The following XRCC4 variants were observed in gnomAD, a reference collection of about 807,000 sequenced individuals.
XRCC4 encodes the protein X-ray repair cross complementing 4.
Under a neutral mutation model 39.1 loss-of-function variants are expected in XRCC4, and 28 were observed. That is an observed-to-expected ratio of 0.72 (90% CI 0.53 to 0.98). The LOEUF is 0.98. XRCC4 is among the 50% of genes least tolerant of loss of function. The pLI is 0.00. For missense variants in XRCC4, 350 were observed against 376.4 expected (o/e 0.93, Z 0.58); for synonymous variants, 123 against 126.4 (o/e 0.97, Z 0.18).
intron 3 of XRCC4, among the ~76,000 whole-genome samples, chr5:83,162,439 A>G (rs535154342): frequency 3.3e-5 from 5 of 152,156 alleles, no homozygotes; most frequent in Non-Finnish European, 5.9e-5. Flanking sequence ...TTCCTCCCTT[A>G]TTGTCAGATT....
the XRCC4 span, among the ~76,000 whole-genome samples, chr5:83,372,554 A>G: frequency 2.0e-5 from 3 of 152,300 alleles, no homozygotes; most frequent in East Asian, 5.8e-4. Context: ...ATCCATATGC[A>G]CATTCAGTAT....
chr5:83,296,858 G>C (rs1755112449), intron 7 of XRCC4, among the ~76,000 whole-genome samples: 1 of 137,830 alleles, frequency 7.3e-6, no homozygotes, highest in South Asian at 2.9e-4. Flanking sequence ...CAATATATTT[G>C]AGTCTAAACA....
At chr5:83,343,364 C>T (rs1457296323) in intron 7 of XRCC4, among the ~76,000 whole-genome samples, 6 of 152,056 alleles carry the variant, frequency 3.9e-5, no homozygotes, top group African/African-American at 1.2e-4. Flanking sequence ...TGCTGCAGTC[C>T]AAGAATTTGA....
At position 83,127,996 on chromosome 5, in the gene XRCC4, A is replaced by G. The variant is rs147579091; in HGVS notation, c.315+16793A>G. 7.0e-3 allele frequency among the ~76,000 whole-genome samples: 1,001 copies of G among 143,922 alleles called. 9 individuals carry two copies. Among genetic ancestry groups the G allele is most frequent in the African/African-American group, 0.023 (901 of 38,872 alleles). The allele number at this position is 143,922 out of a possible 152,430, so 94.4% of individuals were successfully genotyped here. A position where few individuals can be genotyped will look rare whatever the true frequency, so the allele number is the denominator to read the frequency against. ...GTCATTTATTTATTTATTTATTTTTATTATACTTTAAGTTCTAGGTTACAT... is the reference window on the plus strand; with the variant it reads ...GTCATTTATTTATTTATTTATTTTTGTTATACTTTAAGTTCTAGGTTACAT... On this transcript the variant is annotated intron_variant, in intron 3 of 7. Coordinates refer to ENST00000396027, the MANE Select transcript of XRCC4 (RefSeq NM_003401.5).
intron 7 of XRCC4, among the ~76,000 whole-genome samples, chr5:83,321,364 AT>A (rs756618607): frequency 6.6e-6 from 1 of 152,134 alleles, no homozygotes; most frequent in Non-Finnish European, 1.5e-5. Flanking sequence ...ATTTGCCACA[AT>A]TTTCATCAGA....
chr5:83,247,623 G>C (rs185219983), intron 6 of XRCC4, among the ~76,000 whole-genome samples: 1 of 152,280 alleles, frequency 6.6e-6, no homozygotes, highest in East Asian at 1.9e-4. Context: ...CATCGTACTA[G>C]CAAGTTGAAG....
chr5:83,226,145 A>G (rs1340782015), intron 6 of XRCC4, among the ~76,000 whole-genome samples: 2 of 152,036 alleles, frequency 1.3e-5, no homozygotes, highest in South Asian at 2.1e-4. Flanking sequence ...CTAGAGAGAT[A>G]TATGTGCTAG....
At chr5:83,185,056 A>G (rs540246408) in intron 3 of XRCC4, among the ~76,000 whole-genome samples, 103 of 152,214 alleles carry the variant, frequency 6.8e-4, no homozygotes, top group African/African-American at 2.4e-3. Context: ...CCCATATACT[A>G]TAATTGTTTT....
chr5:83,248,658 T>C (rs984628122), intron 6 of XRCC4, among the ~76,000 whole-genome samples: 1 of 152,190 alleles, frequency 6.6e-6, no homozygotes, highest in Non-Finnish European at 1.5e-5. Flanking sequence ...TGAAGATAGC[T>C]AAACAGTCTT....
At position 83,239,664 on chromosome 5, in the gene XRCC4, C is replaced by T. The variant is rs1365198072; in HGVS notation, c.746-18866C>T. Among the ~76,000 whole-genome samples, 9 of 151,594 alleles carry T rather than the reference C, an allele frequency of 5.9e-5. No individual in the cohort carries two copies. The South Asian group carries it at 1.7e-3, about 28-fold the overall frequency. On this transcript the variant is annotated intron_variant, in intron 6 of 7. Transcript: ENST00000396027. ...CTAACACGGTGAAACCCCGTCTCTA[C>T]TAAAAATACAAAAAATTAGCCGGGC...
At chr5:83,102,776 T>C (rs192375447) in intron 1 of XRCC4, among the ~76,000 whole-genome samples, 57 of 152,094 alleles carry the variant, frequency 3.7e-4, no homozygotes, top group Non-Finnish European at 7.7e-4. Flanking sequence ...CAACCCTGTT[T>C]CTTTATCTGG....
rs1321467287 is a variant in XRCC4 at position 83,256,154 on chromosome 5, G to A, written c.746-2376G>A. On this transcript the variant is annotated intron_variant, in intron 6 of 7. Transcript: ENST00000396027. ...ATGAATAACAAAAGTACCTGGAGTG[G>A]CCTCCTTAGGAGTACAGATTTCTGA... Among the ~76,000 whole-genome samples the A allele has an allele frequency of 2.6e-5, 4 of 152,134 alleles. No individual in the cohort carries two copies. The East Asian group carries it at 7.7e-4, about 29-fold the overall frequency.
At chr5:83,334,862 G>A (rs947863127) in intron 7 of XRCC4, among the ~76,000 whole-genome samples, 2 of 151,868 alleles carry the variant, frequency 1.3e-5, no homozygotes, top group Non-Finnish European at 2.9e-5. Context: ...TAGAATTTCT[G>A]TGGTGTTTGA....
At chr5:83,224,651 TTTC>T (rs1375390429) in intron 6 of XRCC4, among the ~76,000 whole-genome samples, 1 of 152,202 alleles carries the variant, frequency 6.6e-6, no homozygotes, top group Non-Finnish European at 1.5e-5. Context: ...TAGTGTCCTC[TTTC>T]TTATGCTTGA....
At chr5:83,325,275 G>A (rs1389823292) in intron 7 of XRCC4, among the ~76,000 whole-genome samples, 1 of 151,904 alleles carries the variant, frequency 6.6e-6, no homozygotes, top group Non-Finnish European at 1.5e-5. Context: ...ATTCATAATG[G>A]AATCTGTCCT....
chr5:83,303,212 CAAAAAA>C (rs760220069), intron 7 of XRCC4, among the ~76,000 whole-genome samples: 2 of 62,870 alleles, frequency 3.2e-5, no homozygotes, highest in Non-Finnish European at 7.8e-5. Context: ...GACTCCGTCT[CAAAAAA>C]AAAAAAAAAA....
intron 7 of XRCC4, among the ~76,000 whole-genome samples, chr5:83,320,804 CTTCTTTTT>C (rs1203808623): frequency 2.1e-5 from 3 of 143,214 alleles, no homozygotes; most frequent in Non-Finnish European, 4.5e-5. Context: ...AAGTTATGTA[CTTCTTTTT>C]TTTTTTTTTT....
intron 1 of XRCC4, among the ~76,000 whole-genome samples, chr5:83,104,591 T>A (rs1746105734): frequency 1.3e-5 from 2 of 152,202 alleles, no homozygotes; most frequent in African/African-American, 4.8e-5. Context: ...GTGCTGGGAT[T>A]ACCGGTGTGA....
chr5:83,156,558 A>AT (rs1476960034), intron 3 of XRCC4, among the ~76,000 whole-genome samples: 1 of 151,904 alleles, frequency 6.6e-6, no homozygotes, highest in Non-Finnish European at 1.5e-5. Context: ...TATGTCTCAA[A>AT]TTTTTTTTCA....
Sources: allele counts gnomAD v4.1 joint callset (sites outside exome capture counted in the v4.1 genomes callset), GRCh38; gene constraint gnomAD v4.1.1; transcripts MANE v1.5; gene names NCBI Gene and HGNC (gene_info 2026-07-23, HGNC 2026-07-21).